Variants in PLCH1 observed in about 807,000 individuals in gnomAD.
The protein encoded by PLCH1 is phospholipase C eta 1, also known as 1-phosphatidylinositol 4,5-bisphosphate phosphodiesterase eta-1.
Under a neutral mutation model 126.7 loss-of-function variants are expected in PLCH1, and 60 were observed. The ratio of observed to expected loss-of-function variants is 0.47; its 90% CI spans 0.38 to 0.59. PLCH1 has a LOEUF of 0.59. Among genes scored for constraint, PLCH1 ranks in the 20% least tolerant of loss-of-function variants. PLCH1 has a pLI of 0.00. For missense variants in PLCH1, 1,723 were observed against 2,040.0 expected (o/e 0.84, Z 2.99); for synonymous variants, 719 against 734.9 (o/e 0.98, Z 0.35).
chr3:155,554,341 C>T (rs1428272771), intron 8 of PLCH1, 145 bp from the exon 9 acceptor site: 41 of 711,186 alleles, frequency 5.8e-5, no homozygotes, highest in Non-Finnish European at 7.6e-5. Flanking sequence ...ACACAGAAAT[C>T]GGTGTTCTGG....
At chr3:155,589,615 TG>T (rs998824610) in intron 4 of PLCH1, among the ~76,000 whole-genome samples, 4 of 152,058 alleles carry the variant, frequency 2.6e-5, no homozygotes, top group African/African-American at 9.7e-5. Context: ...ATTTCCCTCA[TG>T]GGGTCAAGAG....
At chr3:155,469,506 C>T (rs1290651640) in intron 21 of PLCH1, among the ~76,000 whole-genome samples, 2 of 152,144 alleles carry the variant, frequency 1.3e-5, no homozygotes, top group African/African-American at 2.4e-5. Context: ...GGGAGGGGCG[C>T]CCGCCATTGC....
chr3:155,463,058 G>T (rs1460080006), intron 21 of PLCH1, among the ~76,000 whole-genome samples: 1 of 152,188 alleles, frequency 6.6e-6, no homozygotes, highest in African/African-American at 2.4e-5. Flanking sequence ...TGTAAATCCA[G>T]TTATCTAGCT....
At chr3:155,708,231 C>T (rs1381778470) in intron 1 of PLCH1, among the ~76,000 whole-genome samples, 1 of 152,132 alleles carries the variant, frequency 6.6e-6, no homozygotes, top group African/African-American at 2.4e-5. Context: ...AGATGCTCTC[C>T]CTTCGGCCTT....
intron 21 of PLCH1, among the ~76,000 whole-genome samples, chr3:155,458,752 G>A (rs1028887622): frequency 5.3e-5 from 8 of 152,218 alleles, no homozygotes; most frequent in African/African-American, 1.9e-4. Flanking sequence ...TTCCCCTAAC[G>A]GACTGCTCTG....
rs747654979 is a variant in PLCH1, at chr3:155,564,578, A to G, written c.1069+337T>C. 2.1e-3 allele frequency among the ~76,000 whole-genome samples: 321 copies of G among 152,290 alleles called. 1 individual carries two copies. The highest frequency in any genetic ancestry group is 3.5e-3 in the Non-Finnish European group (237 of 68,024). On this transcript the variant is annotated intron_variant, in intron 8 of 22. Transcript: ENST00000460012. Reference sequence around the variant, plus strand: ...GACTCCATCTCAAAAAAAATAAAAAATTAAAAAATTAAAAAATAAAAACAA... The same window carrying G: ...GACTCCATCTCAAAAAAAATAAAAAGTTAAAAAATTAAAAAATAAAAACAA...
intron 2 of PLCH1, among the ~76,000 whole-genome samples, chr3:155,638,894 A>G (rs1438313245): frequency 1.3e-5 from 2 of 152,204 alleles, no homozygotes; most frequent in African/African-American, 4.8e-5. Flanking sequence ...ATATTGGAAC[A>G]AGATCTGGGG....
rs1218359701 is a variant in PLCH1, at chr3:155,529,362, A to T, written c.1363-5358T>A. Among the ~76,000 whole-genome samples the T allele has an allele frequency of 2.0e-5, 3 of 149,364 alleles. 1 individual carries two copies. In the East Asian group the frequency reaches 5.9e-4, roughly 29 times the overall value. ...CCACACAGCTAAAGTTATTTCAGCAAAAAGAGTCTATCGAAAATTACTATT... is the reference window on the plus strand; with the variant it reads ...CCACACAGCTAAAGTTATTTCAGCATAAAGAGTCTATCGAAAATTACTATT... On this transcript the variant is annotated intron_variant, in intron 10 of 22. Transcript: ENST00000460012.
intron 2 of PLCH1, among the ~76,000 whole-genome samples, chr3:155,600,754 C>T (rs1281612987): frequency 6.6e-6 from 1 of 152,138 alleles, no homozygotes; most frequent in Non-Finnish European, 1.5e-5. Context: ...ATATTTAAGC[C>T]ATTTGGCACT....
intron 2 of PLCH1, among the ~76,000 whole-genome samples, chr3:155,605,205 T>C (rs531307107): frequency 6.6e-6 from 1 of 152,300 alleles, no homozygotes; most frequent in South Asian, 2.1e-4. Context: ...CAGGTTCACA[T>C]CGGTGACTAG....
At chr3:155,685,244 T>C (rs1377586064) in intron 2 of PLCH1, among the ~76,000 whole-genome samples, 1 of 152,186 alleles carries the variant, frequency 6.6e-6, no homozygotes, top group South Asian at 2.1e-4. Flanking sequence ...AGTTGCTCAA[T>C]TGTGAGATAC....
intron 21 of PLCH1, among the ~76,000 whole-genome samples, chr3:155,453,715 A>G (rs1203806054): frequency 6.7e-6 from 1 of 148,280 alleles, no homozygotes; most frequent in Non-Finnish European, 1.5e-5. Flanking sequence ...TAAATTTCTG[A>G]TTAATAATTA....
chr3:155,573,744 T>C (rs987262406), intron 6 of PLCH1, among the ~76,000 whole-genome samples: 5 of 152,170 alleles, frequency 3.3e-5, no homozygotes, highest in Non-Finnish European at 5.9e-5. Flanking sequence ...CTGGCACAGA[T>C]TGAAGAAGCA....
intron 17 of PLCH1, among the ~76,000 whole-genome samples, chr3:155,493,231 G>T (rs866106241): frequency 1.3e-5 from 2 of 152,172 alleles, no homozygotes; most frequent in South Asian, 4.1e-4. Context: ...AAACAGCAGA[G>T]CAAGAAAATG....
At chr3:155,586,717 C>T (rs899517811) in intron 4 of PLCH1, among the ~76,000 whole-genome samples, 10 of 151,756 alleles carry the variant, frequency 6.6e-5, no homozygotes, top group Admixed American at 1.3e-4. Flanking sequence ...AAAAAAGGGG[C>T]GGGGGGTGGT....
At chr3:155,646,549 T>C (rs759870512) in intron 2 of PLCH1, among the ~76,000 whole-genome samples, 3 of 152,234 alleles carry the variant, frequency 2.0e-5, no homozygotes, top group Non-Finnish European at 4.4e-5. Context: ...TATGTGAAAT[T>C]ACACATTCAA....
chr3:155,468,391 A>G (rs1713009667), intron 21 of PLCH1, among the ~76,000 whole-genome samples: 1 of 152,212 alleles, frequency 6.6e-6, no homozygotes, highest in Non-Finnish European at 1.5e-5. Flanking sequence ...AAATGGGAGG[A>G]GTAAGTCCTA....
intron 2 of PLCH1, among the ~76,000 whole-genome samples, chr3:155,675,304 T>C (rs1287399164): frequency 6.6e-6 from 1 of 152,202 alleles, no homozygotes; most frequent in Non-Finnish European, 1.5e-5. Flanking sequence ...TTTCTTGACA[T>C]GTCATTTATT....
chr3:155,524,086 T>G, intron 10 of PLCH1, 82 bp from the exon 11 acceptor site: 1 of 826,874 alleles, frequency 1.2e-6, no homozygotes, highest in Non-Finnish European at 2.1e-6. Flanking sequence ...AAGCATCCAT[T>G]GATGGATGAG....
Sources: allele counts gnomAD v4.1 joint callset (sites outside exome capture counted in the v4.1 genomes callset), GRCh38; gene constraint gnomAD v4.1.1; transcripts MANE v1.5; gene names NCBI Gene and HGNC (gene_info 2026-07-23, HGNC 2026-07-21).